DNM2: variants seen among roughly 807,000 people sequenced by gnomAD.
DNM2 encodes dynamin-2.
Under a neutral mutation model 99.0 loss-of-function variants are expected in DNM2, and 15 were observed. That is an observed-to-expected ratio of 0.15 (90% CI 0.10 to 0.23). The LOEUF (loss-of-function observed/expected upper bound fraction) is 0.23. Ranked by LOEUF, DNM2 falls within the 10% of genes least tolerant of loss-of-function variation. The pLI is 1.00. For synonymous variants in DNM2, 525 were observed against 481.2 expected, an observed-to-expected ratio of 1.09 and a Z score of -1.19; for missense variants, 742 against 1,189.4, an observed-to-expected ratio of 0.62 and a Z score of 5.53.
rs1328060572 is a variant in DNM2 at position 10,830,311 on chromosome 19, C to A, written c.2476C>A (p.Pro826Thr). The change falls in exon 20 of 21, where the codon CCA becomes ACA. Residue 826 changes from proline (P) to threonine (T), a missense_variant. By Grantham distance (38) the Pro-to-Thr change is conservative (BLOSUM62 -1). This residue lies in a region of DNM2 where 187 missense variants were observed against 218.8 expected (regional missense o/e 0.85). Transcript: ENST00000389253. The surrounding 1 kb of genome is among the most constrained non-coding windows in gnomAD (Gnocchi z 4.8). Reference protein sequence around the residue: ...QSVFANSDLFPAPPQIPSRPV... With the variant: ...QSVFANSDLFTAPPQIPSRPV... ...CGTGTTTGCCAACAGTGACCTCTTC[C>A]CAGCCCCGCCTCAGATCCCATCTCG... 6.2e-7 allele frequency: 1 copy of A among 1,613,636 alleles called. No individual in the cohort carries two copies. Among genetic ancestry groups the A allele is most frequent in the East Asian group, 2.2e-5 (1 of 44,886 alleles).
chr19:10,733,130 C>A (rs919811159), intron 1 of DNM2, among the ~76,000 whole-genome samples: 9 of 151,338 alleles, frequency 5.9e-5, no homozygotes, highest in Admixed American at 2.6e-4. Flanking sequence ...GTGATCCACC[C>A]TCCTCGGCCT....
Position 10,772,769 on chromosome 19 carries a change from T to G in DNM2, c.385+141T>G. 7.6e-7 allele frequency: 1 copy of G among 1,312,276 alleles called. No homozygotes were observed. The highest frequency in any genetic ancestry group is 1.1e-6 in the Non-Finnish European group (1 of 942,744). The allele number at this position is 1,312,276 out of a possible 1,614,324, so 81.3% of individuals were successfully genotyped here. On this transcript the variant is annotated intron_variant, in intron 3 of 20. Transcript: ENST00000389253. The surrounding 1 kb of genome is among the most constrained non-coding windows in gnomAD (Gnocchi z 4.9). ...TGATATTCACACACACATAGCCCCT[T>G]GATCTGTATCTTCCCACTTGTGCTA...
intron 1 of DNM2, among the ~76,000 whole-genome samples, chr19:10,734,874 G>T (rs2069467525): frequency 6.7e-6 from 1 of 150,072 alleles, no homozygotes. Flanking sequence ...TCTGGTCTGG[G>T]AAGCAACTCA....
chr19:10,824,111 G>A lies in DNM2; in HGVS notation c.1893+212G>A, dbSNP rs537711281. 34 of 584,278 alleles carry A rather than the reference G, an allele frequency of 5.8e-5. No individual in the cohort carries two copies. The East Asian group carries it at 9.4e-4, about 16-fold the overall frequency. The allele number at this position is 584,278 out of a possible 1,614,324, so 36.2% of individuals were successfully genotyped here. A position where few individuals can be genotyped will look rare whatever the true frequency, so the allele number is the denominator to read the frequency against. ...TCCCTCACGGAAGCCAGTGACCGGG[G>A]CACACAGGGGATGGGGTCCCACTTG... On this transcript the variant is annotated intron_variant, in intron 17 of 20. Transcript: ENST00000389253.
intron 18 of DNM2, among the ~76,000 whole-genome samples, chr19:10,826,640 C>G (rs1351098068): frequency 6.6e-6 from 1 of 152,174 alleles, no homozygotes; most frequent in Non-Finnish European, 1.5e-5. Context: ...AATCCCAGCA[C>G]TTTGGGAGGC....
intron 5 of DNM2, 149 bp from the exon 6 acceptor site, chr19:10,782,811 C>A: frequency 9.2e-7 from 1 of 1,090,460 alleles, no homozygotes; most frequent in Non-Finnish European, 1.4e-6. Flanking sequence ...CATTCGCACC[C>A]TCTGTGTTGT....
intron 5 of DNM2, among the ~76,000 whole-genome samples, chr19:10,779,422 C>T (rs2071267713): frequency 6.6e-6 from 1 of 151,306 alleles, no homozygotes; most frequent in Non-Finnish European, 1.5e-5. Context: ...TGTCACCACC[C>T]CACCCCACAT....
chr19:10,823,929 A>C (rs2073063835), intron 17 of DNM2, 30 bp downstream of exon 17: 1 of 1,605,144 alleles, frequency 6.2e-7, no homozygotes, highest in African/African-American at 1.4e-5. Flanking sequence ...AGCCAGGCCC[A>C]GAGCCCCCAC....
chr19:10,807,147 A>G (rs1198294257), intron 13 of DNM2, among the ~76,000 whole-genome samples: 1 of 152,140 alleles, frequency 6.6e-6, no homozygotes, highest in Non-Finnish European at 1.5e-5. Flanking sequence ...ATCTTGGCTC[A>G]CTGCAACCTC....
At chr19:10,789,356 C>T (rs971728397) in intron 7 of DNM2, among the ~76,000 whole-genome samples, 1 of 152,098 alleles carries the variant, frequency 6.6e-6, no homozygotes, top group Admixed American at 6.6e-5. Flanking sequence ...TCATTTTCTG[C>T]ACCTCTAAAG....
rs766922128 is a variant in DNM2, at chr19:10,817,402, C to T, written c.1672-2578C>T. 14 of 494,852 alleles carry T rather than the reference C, an allele frequency of 2.8e-5. No individual in the cohort carries two copies. Among genetic ancestry groups the T allele is most frequent in the African/African-American group, 9.9e-5 (5 of 50,692 alleles). 30.7% of individuals were successfully genotyped at this position (494,852 alleles called of 1,614,324 possible). A position where few individuals can be genotyped will look rare whatever the true frequency, so the allele number is the denominator to read the frequency against. On this transcript the variant is annotated intron_variant, in intron 15 of 20. Coordinates refer to ENST00000389253, the MANE Select transcript of DNM2 (RefSeq NM_001005361.3). The surrounding 1 kb of genome is among the most constrained non-coding windows in gnomAD (Gnocchi z 4.6). ...GCCGGCGAGTTTGGGGGGCCTGTCT[C>T]GACGAGCCGCTCACCCAAGCCCAGC...
chr19:10,742,313 C>T (rs1024700790), intron 1 of DNM2, among the ~76,000 whole-genome samples: 1 of 152,096 alleles, frequency 6.6e-6, no homozygotes, highest in South Asian at 2.1e-4. Flanking sequence ...TGCTGGGGTG[C>T]CAAGAAGAAG....
rs1478491695 is a variant in DNM2 at position 10,775,002 on chromosome 19, C to T, written c.386-701C>T. Reference sequence around the variant, plus strand: ...CCCAGGCTGGTTTCGAACTCCTGAGCTCAAGTGATCTACCCATCATGGCCT... The same window carrying T: ...CCCAGGCTGGTTTCGAACTCCTGAGTTCAAGTGATCTACCCATCATGGCCT... On this transcript the variant is annotated intron_variant, in intron 3 of 20. Transcript: ENST00000389253. The surrounding 1 kb of genome is among the most constrained non-coding windows in gnomAD (Gnocchi z 4.3). 6.6e-6 allele frequency among the ~76,000 whole-genome samples: 1 copy of T among 151,964 alleles called. No individual in the cohort carries two copies. The highest frequency in any genetic ancestry group is 6.6e-5 in the Admixed American group (1 of 15,244).
intron 1 of DNM2, among the ~76,000 whole-genome samples, chr19:10,749,514 G>A (rs976703781): frequency 4.6e-5 from 7 of 152,298 alleles, no homozygotes; most frequent in African/African-American, 1.2e-4. Context: ...AGGCCAAGCC[G>A]GTGGCTGGGC....
intron 1 of DNM2, among the ~76,000 whole-genome samples, chr19:10,719,084 T>C (rs568981828): frequency 1.3e-5 from 2 of 152,176 alleles, no homozygotes; most frequent in East Asian, 1.9e-4. Context: ...GGGACCCTGT[T>C]TGATTCTCTC....
rs1332681557 is a variant in DNM2 at position 10,718,221 on chromosome 19, C to T, written c.-22C>T. 5 of 1,451,460 alleles carry T rather than the reference C, an allele frequency of 3.4e-6. No homozygotes were observed. In the African/African-American group the frequency reaches 5.9e-5, roughly 17 times the overall value. The allele number at this position is 1,451,460 out of a possible 1,614,324, so 89.9% of individuals were successfully genotyped here. On this transcript the variant is annotated 5_prime_UTR_variant, in exon 1 of 21. Coordinates refer to ENST00000389253, the MANE Select transcript of DNM2 (RefSeq NM_001005361.3). ...CGGCGGGCGAGGAGCGCAGGGCGCTCGGGCCGGGGGCCGCCGGCGCCATGG... is the reference window on the plus strand; with the variant it reads ...CGGCGGGCGAGGAGCGCAGGGCGCTTGGGCCGGGGGCCGCCGGCGCCATGG...
chr19:10,732,184 C>T (rs927318609), intron 1 of DNM2, among the ~76,000 whole-genome samples: 1 of 150,858 alleles, frequency 6.6e-6, no homozygotes, highest in Non-Finnish European at 1.5e-5. Flanking sequence ...AACTCCTGAC[C>T]TCAGGTTATC....
rs765544231 is a variant in DNM2 at position 10,820,042 on chromosome 19, C to T, written c.1734C>T (p.Gly578=). 2 of 1,614,174 alleles carry T rather than the reference C, an allele frequency of 1.2e-6. No homozygotes were observed. Among genetic ancestry groups the T allele is most frequent in the South Asian group, 1.1e-5 (1 of 91,090 alleles). ...DNLKIRDVEK[G]FMSNKHVFAI... ...TCAAGATCCGTGATGTGGAGAAGGG[C>T]TTCATGTCCAACAAGCACGTCTTCG... The change falls in exon 16 of 21, where the codon GGC becomes GGT. Residue 578 remains glycine (G), a synonymous_variant. Coordinates refer to ENST00000389253, the MANE Select transcript of DNM2 (RefSeq NM_001005361.3). The surrounding 1 kb of genome is among the most constrained non-coding windows in gnomAD (Gnocchi z 4.3).
chr19:10,765,339 G>A lies in DNM2; in HGVS notation c.235+5528G>A, dbSNP rs899051076. On this transcript the variant is annotated intron_variant, in intron 2 of 20. Transcript: ENST00000389253. This position sits in a 1 kb window ranked among gnomAD's most constrained non-coding sequence, Gnocchi z 4.4. ...GGCTCTGCCCAGCACAGGGCCTGGC[G>A]CCGAGCAGGTGCTCCGCATGCACGG... Among the ~76,000 whole-genome samples, 1 of 152,236 alleles carries A rather than the reference G, an allele frequency of 6.6e-6. No individual in the cohort carries two copies. The highest frequency in any genetic ancestry group is 1.5e-5 in the Non-Finnish European group (1 of 68,040).
Sources: allele counts gnomAD v4.1 joint callset (sites outside exome capture counted in the v4.1 genomes callset), GRCh38; gene constraint gnomAD v4.1.1; regional missense constraint gnomAD v4.1.1; non-coding constraint Gnocchi (gnomAD v3.1); transcripts MANE v1.5; gene names NCBI Gene and HGNC (gene_info 2026-07-23, HGNC 2026-07-21).